The following CALN1 variants were observed in gnomAD, a reference collection of about 807,000 sequenced individuals.
CALN1 encodes calcium-binding protein 8.
A neutral mutation model predicts 30.6 loss-of-function variants in CALN1; 17 were observed. That is an observed-to-expected ratio of 0.56 (90% confidence interval 0.38 to 0.83). CALN1 has a LOEUF of 0.83. CALN1 is among the 40% of genes least tolerant of loss of function. The probability of loss-of-function intolerance (pLI) is 0.00; values close to 1 mark genes in which losing one functional copy is unlikely to be tolerated. For missense variants in CALN1, 291 were observed against 354.9 expected, an observed-to-expected ratio of 0.82 and a Z score of 1.45; for synonymous variants, 156 against 131.4, an observed-to-expected ratio of 1.19 and a Z score of -1.28.
At chr7:72,082,636 A>G (rs369245972) in intron 4 of CALN1, among the ~76,000 whole-genome samples, 6 of 152,336 alleles carry the variant, frequency 3.9e-5, no homozygotes, top group African/African-American at 1.4e-4. Context: ...AGACATCTGC[A>G]GAGTTTTCTC....
At chr7:72,488,225 G>A in the CALN1 span, among the ~76,000 whole-genome samples, 2,145 of 151,794 alleles carry the variant, frequency 0.014, 54 homozygotes, top group African/African-American at 0.046. Context: ...TTTTTAATTA[G>A]CCAGGCATGG....
intron 3 of CALN1, among the ~76,000 whole-genome samples, chr7:72,161,811 T>C (rs1788133568): frequency 6.6e-6 from 1 of 151,764 alleles, no homozygotes; most frequent in Non-Finnish European, 1.5e-5. Context: ...GAAGAATAGC[T>C]GATGGATGCT....
At chr7:72,326,595 T>G (rs1801294518) in intron 2 of CALN1, among the ~76,000 whole-genome samples, 1 of 152,256 alleles carries the variant, frequency 6.6e-6, no homozygotes, top group African/African-American at 2.4e-5. Context: ...TCAGTACAGA[T>G]GTTTGAGGTT....
chr7:72,044,184 C>T (rs932234832), intron 4 of CALN1, among the ~76,000 whole-genome samples: 6 of 152,208 alleles, frequency 3.9e-5, no homozygotes, highest in South Asian at 2.1e-4. Flanking sequence ...GCTGCTATTG[C>T]CCCCTCTCTC....
At chr7:72,302,086 C>A (rs1799306385) in intron 2 of CALN1, among the ~76,000 whole-genome samples, 1 of 151,502 alleles carries the variant, frequency 6.6e-6, no homozygotes. Flanking sequence ...GTTTAAAGAA[C>A]TGATGAAATA....
intron 5 of CALN1, among the ~76,000 whole-genome samples, chr7:71,904,229 A>G (rs915531508): frequency 3.3e-5 from 5 of 152,226 alleles, no homozygotes; most frequent in African/African-American, 1.2e-4. Context: ...AAATCAGTAC[A>G]CTGAAGAGAA....
At chr7:72,291,700 C>T (rs1197425203) in intron 2 of CALN1, among the ~76,000 whole-genome samples, 4 of 152,172 alleles carry the variant, frequency 2.6e-5, no homozygotes, top group Admixed American at 1.3e-4. Flanking sequence ...GTAACCTCCA[C>T]CTCCCGGGTT....
At chr7:72,059,275 C>G in intron 4 of CALN1, among the ~76,000 whole-genome samples, 1 of 152,226 alleles carries the variant, frequency 6.6e-6, no homozygotes, top group South Asian at 2.1e-4. Context: ...CTGCCACTTA[C>G]CTGGTCTTCA....
In CALN1 at chr7:72,023,848, C is replaced by G. The variant is rs17428133; in HGVS notation, c.389-79G>C. 7.5e-6 allele frequency: 7 copies of G among 939,138 alleles called. No homozygotes were observed. In the African/African-American group the frequency reaches 1.1e-4, roughly 15 times the overall value. The allele number at this position is 939,138 out of a possible 1,614,324, so 58.2% of individuals were successfully genotyped here. ...GTACCTGATGCAATAAACACCTCTA[C>G]GCTTTTCTTCTTGGCATGACCTCAA... On this transcript the variant is annotated intron_variant, in intron 4 of 6. Coordinates refer to ENST00000395275, the MANE Select transcript of CALN1 (RefSeq NM_031468.4).
intron 2 of CALN1, among the ~76,000 whole-genome samples, chr7:72,324,787 T>C (rs968491738): frequency 4.6e-5 from 7 of 151,810 alleles, no homozygotes; most frequent in Middle Eastern, 3.4e-3. Flanking sequence ...TTTCACCCTG[T>C]TGGCCAGGCT....
intron 2 of CALN1, among the ~76,000 whole-genome samples, chr7:72,391,869 A>T (rs1209833604): frequency 6.6e-6 from 1 of 152,152 alleles, no homozygotes. Flanking sequence ...TGTCTTTATC[A>T]GCAGCATGAA....
intron 3 of CALN1, among the ~76,000 whole-genome samples, chr7:72,218,127 C>A (rs1441503603): frequency 6.6e-6 from 1 of 151,376 alleles, no homozygotes; most frequent in Non-Finnish European, 1.5e-5. Flanking sequence ...CAGGCGTGAG[C>A]CACCCCGCTC....
intron 2 of CALN1, among the ~76,000 whole-genome samples, chr7:72,297,656 C>T (rs1798960549): frequency 6.6e-6 from 1 of 152,102 alleles, no homozygotes; most frequent in Non-Finnish European, 1.5e-5. Flanking sequence ...GAGTTTATTT[C>T]CAGACTTTAT....
chr7:72,106,442 A>C (rs1336445049), intron 3 of CALN1, 148 bp from the exon 4 acceptor site: 2 of 892,814 alleles, frequency 2.2e-6, no homozygotes, highest in Non-Finnish European at 3.3e-6. Context: ...GGAGGACAGA[A>C]GAAGAACAGA....
chr7:72,228,706 A>G (rs1793858305), intron 3 of CALN1, among the ~76,000 whole-genome samples: 1 of 151,624 alleles, frequency 6.6e-6, no homozygotes, highest in Admixed American at 6.6e-5. Flanking sequence ...GGAATACAGC[A>G]AGCACTCCAC....
intron 5 of CALN1, among the ~76,000 whole-genome samples, chr7:71,871,001 C>T (rs1562859005): frequency 6.6e-6 from 1 of 151,826 alleles, no homozygotes; most frequent in South Asian, 2.1e-4. Flanking sequence ...TTTCTGGGCC[C>T]TCAACTGTCT....
In CALN1 at chr7:72,298,634, T is replaced by C. The variant is rs190016252; in HGVS notation, c.120-19824A>G. Reference sequence around the variant, plus strand: ...TATTAGTCTAGTTGAAGCAAATTAATATAATCTGTAAATCCCTGATATGGT... The same window carrying C: ...TATTAGTCTAGTTGAAGCAAATTAACATAATCTGTAAATCCCTGATATGGT... On this transcript the variant is annotated intron_variant, in intron 2 of 6. Coordinates refer to ENST00000395275, the MANE Select transcript of CALN1 (RefSeq NM_031468.4). Among the ~76,000 whole-genome samples, 226 of 152,206 alleles carry C rather than the reference T, an allele frequency of 1.5e-3. 2 individuals carry two copies. The highest frequency in any genetic ancestry group is 7.4e-4 in the Non-Finnish European group (50 of 68,018).
chr7:72,437,343 G>A (rs991897818), intron 1 of CALN1, among the ~76,000 whole-genome samples: 1 of 152,134 alleles, frequency 6.6e-6, no homozygotes, highest in African/African-American at 2.4e-5. Flanking sequence ...GACATTCTGG[G>A]ACTGATGGCT....
the CALN1 span, among the ~76,000 whole-genome samples, chr7:72,453,995 T>TAC: frequency 6.8e-6 from 1 of 146,402 alleles, no homozygotes; most frequent in Non-Finnish European, 1.5e-5. Context: ...AACCAAAAAA[T>TAC]ATATATATAT....
Sources: allele counts gnomAD v4.1 joint callset (sites outside exome capture counted in the v4.1 genomes callset), GRCh38; gene constraint gnomAD v4.1.1; transcripts MANE v1.5; gene names NCBI Gene and HGNC (gene_info 2026-07-23, HGNC 2026-07-21).